Variants in PCCA observed in about 807,000 individuals in gnomAD.
The protein encoded by PCCA is propionyl-CoA carboxylase subunit alpha, also known as propionyl-CoA carboxylase alpha chain, mitochondrial.
Under a neutral mutation model 101.3 loss-of-function variants are expected in PCCA, and 74 were observed. The ratio of observed to expected loss-of-function variants is 0.73; its 90% CI spans 0.61 to 0.89. PCCA has a LOEUF of 0.89. PCCA is among the 40% of genes least tolerant of loss of function. The pLI is 0.00. For synonymous variants in PCCA, 294 were observed against 313.6 expected (o/e 0.94, Z 0.66); for missense variants, 891 against 907.0 (o/e 0.98, Z 0.23).
chr13:100,412,822 A>G (rs957537623), intron 19 of PCCA, among the ~76,000 whole-genome samples: 3 of 152,194 alleles, frequency 2.0e-5, no homozygotes, highest in African/African-American at 4.8e-5. Context: ...TGGACAAACC[A>G]TGATAGCAAA....
At chr13:100,331,622 A>G (rs969333045) in intron 17 of PCCA, among the ~76,000 whole-genome samples, 19 of 152,318 alleles carry the variant, frequency 1.2e-4, no homozygotes, top group African/African-American at 4.3e-4. Context: ...ATAGAGTTTT[A>G]TCATTAGTAT....
chr13:100,197,098 G>A (rs1409195220), intron 6 of PCCA, among the ~76,000 whole-genome samples: 4 of 152,188 alleles, frequency 2.6e-5, no homozygotes, highest in Non-Finnish European at 5.9e-5. Context: ...GTGTTGACTA[G>A]TACCAGTGCA....
At position 100,209,364 on chromosome 13, in the gene PCCA, C is replaced by T. The variant is rs111523247; in HGVS notation, c.501C>T (p.Asp167=). The T allele has an allele frequency of 6.2e-7, 1 of 1,613,220 alleles. No homozygotes were observed. Among genetic ancestry groups the T allele is most frequent in the African/African-American group, 1.3e-5 (1 of 75,020 alleles). Residue 167 remains aspartate (D), a synonymous_variant, in exon 7 of 24, where the codon GAC becomes GAT. Transcript: ENST00000376285. ...AAEDVVFIGP[D]THAIQAMGDK... is the part of the protein sequence containing the mutation. ...AAGATGTCGTTTTCATTGGACCTGA[C>T]ACACATGCTATTCAAGCCATGGGCG...
At position 100,273,291 on chromosome 13, in the gene PCCA, TC is replaced by T. The variant is rs777688345; in HGVS notation, c.1012del (p.Val339TrpfsTer12). 6.2e-7 allele frequency: 1 copy of T among 1,612,438 alleles called. No individual in the cohort carries two copies. The highest frequency in any genetic ancestry group is 1.3e-5 in the African/African-American group (1 of 75,016). On this transcript the variant is annotated frameshift_variant, in exon 12 of 24. Transcript: ENST00000376285. LOFTEE classifies it high-confidence loss of function. ...TATTCCTCTGCTGGGACCGTGGAGT[TC>T]CTTGTGGACTCTAAGAAGAATTTTT... is the stretch of plus-strand genomic sequence containing the variant. Reference protein sequence around the residue: ...VKYSSAGTVEFLVDSKKNFYF... With the variant: ...VKYSSAGTVEXLVDSKKNFYF...
chr13:100,255,791 T>C (rs1481775740), intron 8 of PCCA, among the ~76,000 whole-genome samples: 3 of 152,212 alleles, frequency 2.0e-5, no homozygotes, highest in Admixed American at 2.0e-4. Context: ...GTGCATAATC[T>C]CTTGCAGAAT....
At chr13:100,269,705 C>A (rs2063176647) in intron 11 of PCCA, among the ~76,000 whole-genome samples, 1 of 152,140 alleles carries the variant, frequency 6.6e-6, no homozygotes, top group South Asian at 2.1e-4. Flanking sequence ...TAGCTTTAAT[C>A]AGCAGAGCTA....
intron 4 of PCCA, among the ~76,000 whole-genome samples, chr13:100,152,806 G>C (rs2053502315): frequency 6.6e-6 from 1 of 152,094 alleles, no homozygotes; most frequent in Non-Finnish European, 1.5e-5. Context: ...TATTATGCTA[G>C]TTAAAAAACA....
At chr13:100,489,760 A>T (rs898631731) in intron 21 of PCCA, among the ~76,000 whole-genome samples, 9 of 135,992 alleles carry the variant, frequency 6.6e-5, no homozygotes, top group Admixed American at 3.1e-4. Flanking sequence ...TTAATGAGAA[A>T]TGTCTCAGAG....
intron 6 of PCCA, among the ~76,000 whole-genome samples, chr13:100,207,523 G>T (rs1225320599): frequency 6.6e-6 from 1 of 151,976 alleles, no homozygotes; most frequent in African/African-American, 2.4e-5. Context: ...TGGGATTACA[G>T]GCGCATGCCA....
intron 7 of PCCA, among the ~76,000 whole-genome samples, chr13:100,210,224 C>T (rs893202386): frequency 2.0e-4 from 31 of 152,298 alleles, no homozygotes; most frequent in African/African-American, 6.3e-4. Flanking sequence ...GTGATTCTCC[C>T]GCCTTGGCCT....
rs780264322 is a variant in PCCA at position 100,330,605 on chromosome 13, T to G, written c.1474T>G (p.Ser492Ala). The G allele has an allele frequency of 6.8e-6, 11 of 1,612,858 alleles. 1 individual carries two copies. The change falls in exon 17 of 24, where the codon TCA becomes GCA. Residue 492 changes from serine to alanine, a missense_variant. Transcript: ENST00000376285. ...IALLREVIIN[S>A]RFVKGDISTK... Reference sequence around the variant, plus strand: ...ATTACTTCGAGAGGTGATAATCAACTCACGCTTTGTAAAAGGAGACATCAG... The same window carrying G: ...ATTACTTCGAGAGGTGATAATCAACGCACGCTTTGTAAAAGGAGACATCAG...
At chr13:100,520,634 CAA>C (rs374566196) in intron 22 of PCCA, among the ~76,000 whole-genome samples, 47 of 68,274 alleles carry the variant, frequency 6.9e-4, no homozygotes, top group African/African-American at 2.4e-3. Context: ...GACTCCGTCT[CAA>C]AAAAAAAAAA....
At chr13:100,323,710 A>G (rs1232089542) in intron 16 of PCCA, among the ~76,000 whole-genome samples, 1 of 152,194 alleles carries the variant, frequency 6.6e-6, no homozygotes, top group Non-Finnish European at 1.5e-5. Context: ...ATGTTTTATT[A>G]ATTACATTTT....
At chr13:100,361,611 G>T (rs1010538529) in intron 18 of PCCA, among the ~76,000 whole-genome samples, 4 of 151,970 alleles carry the variant, frequency 2.6e-5, no homozygotes, top group Non-Finnish European at 5.9e-5. Flanking sequence ...TAATAAAAAT[G>T]GGCAAAAACT....
intron 21 of PCCA, among the ~76,000 whole-genome samples, chr13:100,456,787 G>A (rs2081764632): frequency 6.6e-6 from 1 of 152,178 alleles, no homozygotes; most frequent in African/African-American, 2.4e-5. Context: ...GGAGTTACGG[G>A]AGGAACATGA....
chr13:100,172,648 T>TA (rs2055810470), intron 6 of PCCA, among the ~76,000 whole-genome samples: 1 of 152,214 alleles, frequency 6.6e-6, no homozygotes, highest in Non-Finnish European at 1.5e-5. Flanking sequence ...TTAGATAAAA[T>TA]AAGAGTACAA....
intron 6 of PCCA, among the ~76,000 whole-genome samples, chr13:100,169,141 T>C (rs1160857947): frequency 6.6e-6 from 1 of 152,084 alleles, no homozygotes; most frequent in African/African-American, 2.4e-5. Flanking sequence ...TAAATTGTTT[T>C]AAAAATTTCC....
intron 12 of PCCA, among the ~76,000 whole-genome samples, chr13:100,275,549 C>T (rs2063592505): frequency 6.6e-6 from 1 of 152,104 alleles, no homozygotes; most frequent in Non-Finnish European, 1.5e-5. Flanking sequence ...ATTTTTCAGC[C>T]CAGTTTGATA....
intron 21 of PCCA, among the ~76,000 whole-genome samples, chr13:100,450,549 T>G (rs2081151567): frequency 6.6e-6 from 1 of 152,172 alleles, no homozygotes; most frequent in African/African-American, 2.4e-5. Context: ...TATGGATTCA[T>G]ATTGGGCATT....
Sources: gnomAD v4.1 joint callset for allele counts (sites outside exome capture counted in the v4.1 genomes callset) on GRCh38, gnomAD v4.1.1 for gene constraint, MANE v1.5 for transcripts, NCBI Gene and HGNC (gene_info 2026-07-23, HGNC 2026-07-21) for gene names.